RABGAP1L: variants seen among roughly 807,000 people sequenced by gnomAD.
RABGAP1L encodes rab GTPase-activating protein 1-like.
Under a neutral mutation model 137.7 loss-of-function variants are expected in RABGAP1L, and 63 were observed. The observed-to-expected ratio is 0.46, with a 90% CI of 0.37 to 0.56. RABGAP1L has a LOEUF of 0.56. Ranked by LOEUF, RABGAP1L falls within the 20% of genes least tolerant of loss-of-function variation. The pLI is 0.00. For missense variants in RABGAP1L, 1,095 were observed against 1,244.0 expected (o/e 0.88, Z 1.80); for synonymous variants, 431 against 433.7 (o/e 0.99, Z 0.08).
At chr1:174,620,999 A>G (rs1672400422) in intron 13 of RABGAP1L, among the ~76,000 whole-genome samples, 2 of 152,230 alleles carry the variant, frequency 1.3e-5, no homozygotes, top group African/African-American at 4.8e-5. Context: ...AGAGAATACT[A>G]CAAATACCTC....
At chr1:174,542,628 TCTG>T in intron 13 of RABGAP1L, among the ~76,000 whole-genome samples, 1 of 152,336 alleles carries the variant, frequency 6.6e-6, no homozygotes, top group South Asian at 2.1e-4. Context: ...TTTCTTGCCT[TCTG>T]CTGGCTTTTG....
chr1:174,871,257 C>T (rs1046268819), intron 19 of RABGAP1L, among the ~76,000 whole-genome samples: 3 of 152,042 alleles, frequency 2.0e-5, no homozygotes, highest in Non-Finnish European at 2.9e-5. Flanking sequence ...CCTCAGGCTG[C>T]TGAGTAGCTG....
At chr1:174,186,101 G>A (rs918472801) in intron 1 of RABGAP1L, among the ~76,000 whole-genome samples, 2 of 148,274 alleles carry the variant, frequency 1.3e-5, no homozygotes, top group East Asian at 2.0e-4. Flanking sequence ...CCGAGATTGC[G>A]CCATTGCACT....
chr1:174,419,581 GC>G (rs1256785878), intron 13 of RABGAP1L, among the ~76,000 whole-genome samples: 1 of 152,086 alleles, frequency 6.6e-6, no homozygotes, highest in Non-Finnish European at 1.5e-5. Context: ...AGAGTTCATA[GC>G]TTAATTTGTT....
At chr1:174,551,409 T>A (rs1169944890) in intron 13 of RABGAP1L, among the ~76,000 whole-genome samples, 1 of 151,854 alleles carries the variant, frequency 6.6e-6, no homozygotes, top group Non-Finnish European at 1.5e-5. Flanking sequence ...GGAAAAATGA[T>A]CCATGGGTCA....
chr1:174,662,712 C>T (rs1328546533), intron 14 of RABGAP1L, among the ~76,000 whole-genome samples: 1 of 152,164 alleles, frequency 6.6e-6, no homozygotes, highest in African/African-American at 2.4e-5. Context: ...ATTTTTACCA[C>T]TGGAGATAAC....
intron 13 of RABGAP1L, among the ~76,000 whole-genome samples, chr1:174,445,004 C>G (rs529811027): frequency 2.6e-5 from 4 of 152,118 alleles, no homozygotes; most frequent in African/African-American, 9.6e-5. Flanking sequence ...TCTCTACTAT[C>G]TGCTTTCTTC....
chr1:174,782,386 A>G (rs1291801685), intron 18 of RABGAP1L, among the ~76,000 whole-genome samples: 2 of 152,150 alleles, frequency 1.3e-5, no homozygotes, highest in Non-Finnish European at 2.9e-5. Flanking sequence ...TTGGTGTATA[A>G]GAATACTTGT....
intron 13 of RABGAP1L, among the ~76,000 whole-genome samples, chr1:174,540,248 G>C (rs148377505): frequency 0.035 from 5,291 of 152,260 alleles, 121 homozygotes; most frequent in Middle Eastern, 0.088. Flanking sequence ...TAGGTTGCCT[G>C]TTCACTCTGA....
chr1:174,618,223 A>G (rs1179589606), intron 13 of RABGAP1L, among the ~76,000 whole-genome samples: 26 of 152,240 alleles, frequency 1.7e-4, no homozygotes. Flanking sequence ...GGGGCACAGC[A>G]TAGCCAAACA....
At chr1:174,482,417 T>C (rs1255015518) in intron 13 of RABGAP1L, among the ~76,000 whole-genome samples, 2 of 152,252 alleles carry the variant, frequency 1.3e-5, no homozygotes, top group African/African-American at 4.8e-5. Flanking sequence ...TTGGTTGTTT[T>C]ACAAAGGAAT....
intron 19 of RABGAP1L, among the ~76,000 whole-genome samples, chr1:174,925,418 A>G (rs891782033): frequency 6.6e-6 from 1 of 151,724 alleles, no homozygotes; most frequent in East Asian, 1.9e-4. Context: ...CTGGTGAAAA[A>G]ACCTTGGCAG....
At chr1:174,462,533 T>C (rs1163728350) in intron 13 of RABGAP1L, among the ~76,000 whole-genome samples, 1 of 152,188 alleles carries the variant, frequency 6.6e-6, no homozygotes, top group Admixed American at 6.6e-5. Context: ...ATATACATTT[T>C]TTTTCAACTT....
At position 174,315,836 on chromosome 1, in the gene RABGAP1L, C is replaced by T. The variant is rs549142600; in HGVS notation, c.1465+10709C>T. Among the ~76,000 whole-genome samples the T allele has an allele frequency of 2.6e-5, 4 of 152,200 alleles. No homozygotes were observed. In the South Asian group the frequency reaches 6.2e-4, roughly 24 times the overall value. ...TTTCAATACATTTTCTACCCTATCT[C>T]TTTCTCTACCTCCTCTTTAAGGCCA... is the stretch of plus-strand genomic sequence containing the variant. On this transcript the variant is annotated intron_variant, in intron 11 of 25. Transcript: ENST00000681986.
chr1:174,699,807 A>G (rs1282269335), intron 16 of RABGAP1L, among the ~76,000 whole-genome samples, 157 bp downstream of exon 16: 1 of 152,244 alleles, frequency 6.6e-6, no homozygotes, highest in African/African-American at 2.4e-5. Flanking sequence ...ACATTGGTCT[A>G]TCATAATATG....
At chr1:174,703,340 A>G (rs915400402) in intron 17 of RABGAP1L, among the ~76,000 whole-genome samples, 1 of 152,152 alleles carries the variant, frequency 6.6e-6, no homozygotes, top group East Asian at 1.9e-4. Context: ...ATTATTTGGC[A>G]GTATTTGACT....
intron 19 of RABGAP1L, among the ~76,000 whole-genome samples, chr1:174,881,796 G>A (rs1041633201): frequency 1.3e-5 from 2 of 151,892 alleles, no homozygotes; most frequent in African/African-American, 4.8e-5. Context: ...CACCATACCT[G>A]GCCTCATTTG....
chr1:174,839,343 CCA>C (rs1389683945), intron 19 of RABGAP1L, among the ~76,000 whole-genome samples: 1 of 152,126 alleles, frequency 6.6e-6, no homozygotes, highest in Admixed American at 6.5e-5. Flanking sequence ...ACATGCACAT[CCA>C]CACACAGATA....
intron 5 of RABGAP1L, among the ~76,000 whole-genome samples, chr1:174,247,228 A>G (rs1672340003): frequency 1.3e-5 from 2 of 152,224 alleles, no homozygotes; most frequent in South Asian, 2.1e-4. Context: ...AGGGGAAAAA[A>G]GAATAAATAT....
Sources: gnomAD v4.1 joint callset for allele counts (sites outside exome capture counted in the v4.1 genomes callset) on GRCh38, gnomAD v4.1.1 for gene constraint, MANE v1.5 for transcripts, NCBI Gene and HGNC (gene_info 2026-07-23, HGNC 2026-07-21) for gene names.